Variants in MMP16 observed in about 807,000 individuals in gnomAD.
MMP16 encodes the protein matrix metalloproteinase-16.
A neutral mutation model predicts 67.8 loss-of-function variants in MMP16; 12 were observed. That is an observed-to-expected ratio of 0.18 (90% CI 0.11 to 0.29). MMP16 has a LOEUF of 0.29. MMP16 is among the 10% of genes least tolerant of loss of function. MMP16 has a pLI of 1.00. For missense variants in MMP16, 475 were observed against 765.7 expected (o/e 0.62, Z 4.48); for synonymous variants, 249 against 255.9 (o/e 0.97, Z 0.26).
intron 7 of MMP16, among the ~76,000 whole-genome samples, chr8:88,057,536 G>A (rs1289870706): frequency 6.6e-6 from 1 of 152,106 alleles, no homozygotes; most frequent in East Asian, 1.9e-4. Context: ...ATCTGGCAAA[G>A]TAAGGTGTCC....
At chr8:88,192,529 C>T (rs1050418011) in intron 2 of MMP16, among the ~76,000 whole-genome samples, 2 of 152,100 alleles carry the variant, frequency 1.3e-5, no homozygotes, top group African/African-American at 4.8e-5. Flanking sequence ...TGTGGGCTGA[C>T]CCATCCTATA....
At chr8:88,205,222 G>T (rs779640314) in intron 1 of MMP16, among the ~76,000 whole-genome samples, 1 of 152,146 alleles carries the variant, frequency 6.6e-6, no homozygotes, top group Non-Finnish European at 1.5e-5. Flanking sequence ...ATAGTAAAAA[G>T]GAGGAATCAG....
At chr8:88,207,739 G>A (rs1809452362) in intron 1 of MMP16, among the ~76,000 whole-genome samples, 2 of 151,900 alleles carry the variant, frequency 1.3e-5, no homozygotes, top group Admixed American at 1.3e-4. Flanking sequence ...AATCCATGAG[G>A]TGTTGCTGCA....
chr8:88,291,429 C>T (rs1278289635), intron 1 of MMP16, among the ~76,000 whole-genome samples: 1 of 152,156 alleles, frequency 6.6e-6, no homozygotes. Context: ...TAGCTACTAC[C>T]AGAAACTGCA....
At chr8:88,195,649 A>G (rs536907483) in intron 2 of MMP16, among the ~76,000 whole-genome samples, 184 of 152,328 alleles carry the variant, frequency 1.2e-3, no homozygotes, top group Non-Finnish European at 1.7e-3. Context: ...ATATTATAGC[A>G]TTCAGAGAGA....
chr8:88,138,513 T>C (rs990280961), intron 4 of MMP16, among the ~76,000 whole-genome samples: 1 of 152,056 alleles, frequency 6.6e-6, no homozygotes, highest in Non-Finnish European at 1.5e-5. Context: ...ATAAATAGTA[T>C]TGGAATTTAC....
intron 3 of MMP16, among the ~76,000 whole-genome samples, chr8:88,184,969 T>TA (rs569443747): frequency 2.7e-4 from 41 of 152,008 alleles, no homozygotes; most frequent in Admixed American, 1.1e-3. Flanking sequence ...GTAGAGATGA[T>TA]AAAAAAATAT....
At chr8:88,297,170 T>G (rs1023445164) in intron 1 of MMP16, among the ~76,000 whole-genome samples, 1 of 152,128 alleles carries the variant, frequency 6.6e-6, no homozygotes, top group South Asian at 2.1e-4. Context: ...ACACTCCACA[T>G]GCATACTCAG....
chr8:88,231,869 T>C (rs973893859), intron 1 of MMP16, among the ~76,000 whole-genome samples: 15 of 152,174 alleles, frequency 9.9e-5, no homozygotes, highest in Non-Finnish European at 2.1e-4. Flanking sequence ...TAAACAAATA[T>C]ATGTATTTTT....
chr8:88,139,378 T>C (rs1055871733), intron 4 of MMP16, among the ~76,000 whole-genome samples: 4 of 152,128 alleles, frequency 2.6e-5, no homozygotes, highest in African/African-American at 4.8e-5. Flanking sequence ...GTGAGTATAC[T>C]ACCCCATCTC....
At chr8:88,122,122 T>C (rs1807850317) in intron 4 of MMP16, among the ~76,000 whole-genome samples, 1 of 152,070 alleles carries the variant, frequency 6.6e-6, no homozygotes, top group Non-Finnish European at 1.5e-5. Context: ...TTTTGTTAAA[T>C]GTATTTTGGT....
chr8:88,190,212 T>G (rs1341882045), intron 2 of MMP16, among the ~76,000 whole-genome samples: 1 of 152,196 alleles, frequency 6.6e-6, no homozygotes, highest in Non-Finnish European at 1.5e-5. Flanking sequence ...TTGAGAATAC[T>G]CTATGTTAAC....
chr8:88,043,064 T>C (rs1808153128), intron 9 of MMP16, among the ~76,000 whole-genome samples: 1 of 152,224 alleles, frequency 6.6e-6, no homozygotes, highest in Admixed American at 6.5e-5. Context: ...GGACTTATTA[T>C]GGAAGAAGCA....
chr8:88,134,607 T>G (rs1047956065), intron 4 of MMP16, among the ~76,000 whole-genome samples: 1 of 151,588 alleles, frequency 6.6e-6, no homozygotes, highest in South Asian at 2.1e-4. Context: ...TGTATCTATC[T>G]CCTCTCTATA....
chr8:88,235,651 G>A (rs557825561), intron 1 of MMP16, among the ~76,000 whole-genome samples: 12 of 152,170 alleles, frequency 7.9e-5, no homozygotes, highest in Admixed American at 5.2e-4. Context: ...TGCTACTAGC[G>A]TTAGAAAGCT....
chr8:88,045,326 A>G (rs1279621807), intron 9 of MMP16, among the ~76,000 whole-genome samples: 1 of 151,944 alleles, frequency 6.6e-6, no homozygotes, highest in Non-Finnish European at 1.5e-5. Context: ...TTATACTAGT[A>G]TAGAGTTTTC....
At chr8:88,274,455 CA>C (rs1810613974) in intron 1 of MMP16, among the ~76,000 whole-genome samples, 1 of 152,050 alleles carries the variant, frequency 6.6e-6, no homozygotes, top group Non-Finnish European at 1.5e-5. Flanking sequence ...CAGACATATT[CA>C]GCTCCTTGCA....
In MMP16 at chr8:88,197,273, T is replaced by G; in HGVS notation, c.166A>C (p.Thr56Pro). The G allele has an allele frequency of 6.3e-7, 1 of 1,587,364 alleles. No homozygotes were observed. The highest frequency in any genetic ancestry group is 8.6e-7 in the Non-Finnish European group (1 of 1,167,468). Residue 56 changes from threonine (T) to proline (P), a missense_variant, in exon 2 of 10, where the codon ACT becomes CCT. By Grantham distance (38) the Thr-to-Pro change is conservative. Around this residue, in one of 5 missense-constraint regions of MMP16, gnomAD observed 170 missense variants for 239.6 expected, o/e 0.71. Coordinates refer to ENST00000286614, the MANE Select transcript of MMP16 (RefSeq NM_005941.5). ...WLQKYGYLPP[T>P]DPRMSVLRSA... The stretch of plus-strand genomic sequence containing the variant: ...CGCAGCACTGACATTCTGGGGTCAG[T>G]CGGTGGAAGGTAGCCGTACTTTTGT...
At chr8:88,141,089 A>C (rs1808203630) in intron 4 of MMP16, among the ~76,000 whole-genome samples, 1 of 152,224 alleles carries the variant, frequency 6.6e-6, no homozygotes, top group Admixed American at 6.5e-5. Flanking sequence ...GGTACTCTCC[A>C]TACGCAAGTC....
Sources: allele counts gnomAD v4.1 joint callset (sites outside exome capture counted in the v4.1 genomes callset), GRCh38; gene constraint gnomAD v4.1.1; regional missense constraint gnomAD v4.1.1; transcripts MANE v1.5; gene names NCBI Gene and HGNC (gene_info 2026-07-23, HGNC 2026-07-21).